Variants in SAMMSON observed in about 807,000 individuals in gnomAD.
The protein encoded by SAMMSON is survival associated mitochondrial melanoma specific oncogenic non-coding RNA.
intron 2 of SAMMSON, among the ~76,000 whole-genome samples, chr3:70,418,379 G>A (rs773335295): frequency 2.0e-5 from 3 of 151,932 alleles, no homozygotes; most frequent in Non-Finnish European, 2.9e-5. Flanking sequence ...TTTTTCCTAG[G>A]GTGGTCAGGT....
chr3:70,341,115 T>C (rs1336385802), intron 7 of SAMMSON, among the ~76,000 whole-genome samples: 1 of 152,132 alleles, frequency 6.6e-6, no homozygotes, highest in Non-Finnish European at 1.5e-5. Flanking sequence ...ATTTTCACCA[T>C]CATCACCATA....
rs1446372333 is a variant in SAMMSON at position 70,272,914 on chromosome 3, C to G, written n.675-18265C>G. ...AAAATTCTAAGGAGACAGCTAGCAA[C>G]TAACATTCTGCAAAAACCCTGAGGA... On this transcript the variant is annotated intron_variant and non_coding_transcript_variant, in intron 6 of 9. Coordinates refer to ENST00000642114, the Ensembl canonical transcript of SAMMSON. Among the ~76,000 whole-genome samples, 11 of 152,312 alleles carry G rather than the reference C, an allele frequency of 7.2e-5. No homozygotes were observed. The East Asian group carries it at 1.9e-3, about 27-fold the overall frequency.
chr3:70,223,903 A>G (rs764934940), intron 4 of SAMMSON, among the ~76,000 whole-genome samples: 16 of 151,870 alleles, frequency 1.1e-4, no homozygotes, highest in Non-Finnish European at 2.1e-4. Flanking sequence ...TGCTTCATCA[A>G]TCTAACTTTT....
chr3:70,014,793 G>A (rs528745576), intron 3 of SAMMSON: 1 of 152,270 alleles, frequency 6.6e-6, no homozygotes, highest in South Asian at 2.1e-4. Flanking sequence ...TATTGCATGA[G>A]TTGTCCATCT....
intron 2 of SAMMSON, among the ~76,000 whole-genome samples, chr3:70,433,040 T>A (rs1701427443): frequency 6.6e-6 from 1 of 152,076 alleles, no homozygotes; most frequent in Admixed American, 6.6e-5. Context: ...TAGCTATATA[T>A]TATACTACAG....
At chr3:70,285,731 C>G (rs1702155021) in intron 6 of SAMMSON, among the ~76,000 whole-genome samples, 1 of 151,274 alleles carries the variant, frequency 6.6e-6, no homozygotes, top group Non-Finnish European at 1.5e-5. Flanking sequence ...TGTTTCCTGA[C>G]TTTTTAATGA....
At chr3:70,286,586 T>A (rs1266183671) in intron 6 of SAMMSON, among the ~76,000 whole-genome samples, 1 of 151,944 alleles carries the variant, frequency 6.6e-6, no homozygotes, top group Admixed American at 6.6e-5. Context: ...TTTTTTCCAA[T>A]TCTGTGAAGA....
At chr3:70,359,132 C>T (rs986359133) in intron 9 of SAMMSON, among the ~76,000 whole-genome samples, 4 of 152,030 alleles carry the variant, frequency 2.6e-5, no homozygotes, top group Admixed American at 6.6e-5. Context: ...AATTTCTCCT[C>T]TTGCAAAAAT....
intron 2 of SAMMSON, among the ~76,000 whole-genome samples, chr3:70,413,415 C>T (rs1701237673): frequency 6.6e-6 from 1 of 152,086 alleles, no homozygotes; most frequent in East Asian, 1.9e-4. Flanking sequence ...TGCAAAGTCA[C>T]CCTGAAAAGG....
At chr3:70,416,059 G>C (rs1178137263) in intron 2 of SAMMSON, among the ~76,000 whole-genome samples, 2 of 151,950 alleles carry the variant, frequency 1.3e-5, no homozygotes, top group African/African-American at 4.8e-5. Context: ...CAATATAGAG[G>C]AGAATGATAA....
At chr3:70,080,827 T>C (rs1357859938) in intron 4 of SAMMSON, among the ~76,000 whole-genome samples, 1 of 152,154 alleles carries the variant, frequency 6.6e-6, no homozygotes, top group African/African-American at 2.4e-5. Flanking sequence ...AAATGATCCT[T>C]AGAAGTGTGA....
At chr3:70,349,647 A>G (rs1702776653) in intron 7 of SAMMSON, among the ~76,000 whole-genome samples, 1 of 152,204 alleles carries the variant, frequency 6.6e-6, no homozygotes, top group African/African-American at 2.4e-5. Flanking sequence ...GGATTTGGCT[A>G]TAGAGAGATG....
chr3:70,131,901 C>G (rs1194804988), intron 4 of SAMMSON, among the ~76,000 whole-genome samples: 2 of 152,046 alleles, frequency 1.3e-5, no homozygotes, highest in Admixed American at 6.6e-5. Context: ...CTCGATCATG[C>G]TTACAAGTAG....
intron 4 of SAMMSON, chr3:70,071,771 G>T (rs2067230882): frequency 1.3e-5 from 2 of 151,876 alleles, no homozygotes; most frequent in South Asian, 4.2e-4. Context: ...TTTTTTTAAA[G>T]GTTTTAACAT....
chr3:70,433,078 A>C (rs1481363394), intron 2 of SAMMSON, among the ~76,000 whole-genome samples: 1 of 152,106 alleles, frequency 6.6e-6, no homozygotes, highest in African/African-American at 2.4e-5. Flanking sequence ...CTATTGAAGG[A>C]TATCTTAGCT....
chr3:70,233,645 C>G (rs1325644490), intron 4 of SAMMSON, among the ~76,000 whole-genome samples: 1 of 152,112 alleles, frequency 6.6e-6, no homozygotes, highest in Non-Finnish European at 1.5e-5. Context: ...TTTTGTAATC[C>G]ATGCATCCCT....
At chr3:70,342,161 T>A (rs1702716293) in intron 7 of SAMMSON, among the ~76,000 whole-genome samples, 1 of 152,196 alleles carries the variant, frequency 6.6e-6, no homozygotes, top group South Asian at 2.1e-4. Flanking sequence ...TAAAACACTA[T>A]TACCATTGAG....
At chr3:70,190,786 A>G (rs1427749993) in intron 4 of SAMMSON, among the ~76,000 whole-genome samples, 1 of 152,192 alleles carries the variant, frequency 6.6e-6, no homozygotes, top group African/African-American at 2.4e-5. Context: ...GTAATTTTCT[A>G]CATCCCTTAG....
At chr3:70,286,910 A>G (rs1410960743) in intron 6 of SAMMSON, among the ~76,000 whole-genome samples, 1 of 151,734 alleles carries the variant, frequency 6.6e-6, no homozygotes, top group Non-Finnish European at 1.5e-5. Context: ...TTGATTTTGT[A>G]TCCTGAGACT....
Sources: allele counts gnomAD v4.1 joint callset (sites outside exome capture counted in the v4.1 genomes callset), GRCh38; gene constraint gnomAD v4.1.1; transcripts MANE v1.5; gene names NCBI Gene and HGNC (gene_info 2026-07-23, HGNC 2026-07-21).